The following SLC34A1 variants were observed in gnomAD, a reference collection of about 807,000 sequenced individuals.
SLC34A1 encodes sodium-dependent phosphate transport protein 2A.
A neutral mutation model predicts 51.4 loss-of-function variants in SLC34A1; 57 were observed. The observed-to-expected ratio is 1.11, with a 90% CI of 0.90 to 1.38. SLC34A1 has a LOEUF of 1.38. Ranked by LOEUF, SLC34A1 falls within the 40% of genes most tolerant of loss-of-function variation. SLC34A1 has a pLI of 0.00. For missense variants in SLC34A1, 796 were observed against 835.6 expected (o/e 0.95, Z 0.58); for synonymous variants, 368 against 358.0 (o/e 1.03, Z -0.32).
rs1762963882 is a variant in SLC34A1 at position 177,396,480 on chromosome 5, G to A, written c.1175-253G>A. The stretch of plus-strand genomic sequence containing the variant: ...AGGTCCGCTCTCCCAGTGCCCCCGC[G>A]GAGGTCCTCTCTCCCAGTGCCCCCG... On this transcript the variant is annotated intron_variant, in intron 10 of 12. Transcript: ENST00000324417. This position sits in a 1 kb window ranked among gnomAD's most constrained non-coding sequence, Gnocchi z 4.0. Among the ~76,000 whole-genome samples the A allele has an allele frequency of 2.3e-5, 3 of 132,322 alleles. No individual in the cohort carries two copies. The highest frequency in any genetic ancestry group is 7.4e-5 in the Admixed American group (1 of 13,528). 86.8% of individuals were successfully genotyped at this position (132,322 alleles called of 152,430 possible).
chr5:177,387,967 G>C, intron 6 of SLC34A1, 27 bp from the exon 7 acceptor site: 2 of 1,611,654 alleles, frequency 1.2e-6, no homozygotes, highest in Non-Finnish European at 1.7e-6. Flanking sequence ...GCTCGAGCCT[G>C]CCTTGCAATG....
At chr5:177,389,545 T>G (rs1762728165) in intron 8 of SLC34A1, 1 of 1,497,300 alleles carries the variant, frequency 6.7e-7, no homozygotes, top group East Asian at 2.5e-5. Flanking sequence ...TTACGCTGAC[T>G]TCATGACCTC....
intron 1 of SLC34A1, among the ~76,000 whole-genome samples, chr5:177,384,972 C>G (rs1016842262): frequency 3.3e-5 from 5 of 152,032 alleles, no homozygotes; most frequent in African/African-American, 1.2e-4. Context: ...TGAGGCAGAT[C>G]AGGGCACTCC....
rs9686799 is a variant in SLC34A1 at position 177,396,914 on chromosome 5, C to T, written c.1292-36C>T. On this transcript the variant is annotated intron_variant, in intron 11 of 12. Coordinates refer to ENST00000324417, the MANE Select transcript of SLC34A1 (RefSeq NM_003052.5). This position sits in a 1 kb window ranked among gnomAD's most constrained non-coding sequence, Gnocchi z 4.0. Reference sequence around the variant, plus strand: ...CTGGCAGGGAAAGGGCCGAAGGAGACGCTGGGGGTCCCACTTCCTCTCCCT... The same window carrying T: ...CTGGCAGGGAAAGGGCCGAAGGAGATGCTGGGGGTCCCACTTCCTCTCCCT... 1.1e-5 allele frequency: 17 copies of T among 1,614,008 alleles called. No individual in the cohort carries two copies. Among genetic ancestry groups the T allele is most frequent in the Middle Eastern group, 1.6e-4 (1 of 6,084 alleles).
intron 5 of SLC34A1, among the ~76,000 whole-genome samples, chr5:177,387,404 A>G (rs936747221): frequency 4.6e-5 from 7 of 152,100 alleles, no homozygotes; most frequent in Non-Finnish European, 1.0e-4. Flanking sequence ...CAAAACAAAC[A>G]AACAAAAAAA....
chr5:177,385,072 G>T (rs1430450133), intron 1 of SLC34A1, among the ~76,000 whole-genome samples: 1 of 152,182 alleles, frequency 6.6e-6, no homozygotes, highest in Non-Finnish European at 1.5e-5. Context: ...CCTTGAGGGG[G>T]TGGATGGGGA....
chr5:177,394,582 G>A (rs7715872), intron 10 of SLC34A1, among the ~76,000 whole-genome samples: 1 of 152,030 alleles, frequency 6.6e-6, no homozygotes, highest in African/African-American at 2.4e-5. Context: ...CATGAGATTG[G>A]CAAATGGCTC....
chr5:177,389,995 T>C (rs565140183), intron 8 of SLC34A1: 1 of 1,359,192 alleles, frequency 7.4e-7, no homozygotes, highest in South Asian at 1.7e-5. Flanking sequence ...TTTCATCCCC[T>C]TTCTGGGACA....
At chr5:177,390,635 A>AGG (rs1762769512) in intron 8 of SLC34A1, 1 of 152,426 alleles carries the variant, frequency 6.6e-6, no homozygotes, top group Non-Finnish European at 1.5e-5. Context: ...GACTCCAGAG[A>AGG]TAGCGGGTGT....
At position 177,397,400 on chromosome 5, in the gene SLC34A1, G is replaced by A; in HGVS notation, c.1416+326G>A. The A allele has an allele frequency of 8.2e-6, 4 of 488,140 alleles. No individual in the cohort carries two copies. The South Asian group carries it at 8.4e-5, about 10-fold the overall frequency. 30.2% of individuals were successfully genotyped at this position (488,140 alleles called of 1,614,324 possible). ...ATTGCGGGGGTCAAGGCCGCAAATG[G>A]CAAAGGGGAATTATTCTAGGAGCAA... On this transcript the variant is annotated intron_variant, in intron 12 of 12. Transcript: ENST00000324417.
At position 177,389,686 on chromosome 5, in the gene SLC34A1, G is replaced by A. The variant is rs558810155; in HGVS notation, c.936+1314G>A. ...TCACACACTTTGATCTTCGCAAAAA[G>A]CAAGCCATGGAAGACAGCTCTGTTC... is the stretch of plus-strand genomic sequence containing the variant. On this transcript the variant is annotated intron_variant, in intron 8 of 12. Coordinates refer to ENST00000324417, the MANE Select transcript of SLC34A1 (RefSeq NM_003052.5). 8.3e-5 allele frequency: 128 copies of A among 1,537,250 alleles called. No homozygotes were observed. In the African/African-American group the frequency reaches 1.1e-3, roughly 13 times the overall value.
At chr5:177,389,188 T>C (rs1270009110) in intron 8 of SLC34A1, among the ~76,000 whole-genome samples, 1 of 152,164 alleles carries the variant, frequency 6.6e-6, no homozygotes, top group East Asian at 1.9e-4. Context: ...AAGCAGGCAA[T>C]TAGCACACTT....
intron 12 of SLC34A1, chr5:177,397,387 A>T: frequency 4.1e-6 from 2 of 492,004 alleles, no homozygotes; most frequent in Non-Finnish European, 7.4e-6. Context: ...TGCGGGGGTC[A>T]AGGCCGCAAA....
chr5:177,388,446 C>A lies in SLC34A1; in HGVS notation c.936+74C>A. ...TTGGTTTCATTGTCTGTTCAAAATGCTCCAGATAGACCTTGAAGATCATTT... is the reference window on the plus strand; with the variant it reads ...TTGGTTTCATTGTCTGTTCAAAATGATCCAGATAGACCTTGAAGATCATTT... On this transcript the variant is annotated intron_variant, in intron 8 of 12. Coordinates refer to ENST00000324417, the MANE Select transcript of SLC34A1 (RefSeq NM_003052.5). The surrounding 1 kb of genome is among the most constrained non-coding windows in gnomAD (Gnocchi z 4.3). 1 of 1,270,894 alleles carries A rather than the reference C, an allele frequency of 7.9e-7. No individual in the cohort carries two copies. Among genetic ancestry groups the A allele is most frequent in the Non-Finnish European group, 1.1e-6 (1 of 873,508 alleles). 78.7% of individuals were successfully genotyped at this position (1,270,894 alleles called of 1,614,324 possible).
chr5:177,387,300 C>T (rs1762617688), intron 5 of SLC34A1, among the ~76,000 whole-genome samples: 1 of 152,082 alleles, frequency 6.6e-6, no homozygotes, highest in Non-Finnish European at 1.5e-5. Flanking sequence ...GAGGCTGAGG[C>T]AGGAGAATGG....
In SLC34A1 at chr5:177,397,156, G is replaced by A. The variant is rs1016644179; in HGVS notation, c.1416+82G>A. The stretch of plus-strand genomic sequence containing the variant: ...GGCCTCACAAAGGTGTGACAACATG[G>A]AACAAATATTTTGACTGCCTACTAA... On this transcript the variant is annotated intron_variant, in intron 12 of 12. Coordinates refer to ENST00000324417, the MANE Select transcript of SLC34A1 (RefSeq NM_003052.5). 2.6e-5 allele frequency: 40 copies of A among 1,545,736 alleles called. 1 individual carries two copies. Among genetic ancestry groups the A allele is most frequent in the Middle Eastern group, 4.6e-4 (2 of 4,378 alleles).
chr5:177,398,488 A>C lies in SLC34A1; in HGVS notation c.*202A>C, dbSNP rs6556319. 6,606 of 668,498 alleles carry C rather than the reference A, an allele frequency of 9.9e-3. 316 individuals carry two copies. In the African/African-American group the frequency reaches 0.1, roughly 10 times the overall value. 41.4% of individuals were successfully genotyped at this position (668,498 alleles called of 1,614,324 possible). ...GGGTGAGTCTGCATGTGCACCTGTCATGTGTAGAAGCTTGTATTTGTGTAC... is the reference window on the plus strand; with the variant it reads ...GGGTGAGTCTGCATGTGCACCTGTCCTGTGTAGAAGCTTGTATTTGTGTAC... On this transcript the variant is annotated 3_prime_UTR_variant, in exon 13 of 13. Coordinates refer to ENST00000324417, the MANE Select transcript of SLC34A1 (RefSeq NM_003052.5). This position sits in a 1 kb window ranked among gnomAD's most constrained non-coding sequence, Gnocchi z 4.7.
chr5:177,394,289 C>A, intron 10 of SLC34A1, 94 bp downstream of exon 10: 1 of 1,342,596 alleles, frequency 7.4e-7, no homozygotes, highest in Non-Finnish European at 1.1e-6. Flanking sequence ...GTAAACCCTA[C>A]CATCTCTGAG....
chr5:177,386,598 T>G lies in SLC34A1; in HGVS notation c.532+32T>G, dbSNP rs746134936. On this transcript the variant is annotated intron_variant, in intron 5 of 12. Transcript: ENST00000324417. This position sits in a 1 kb window ranked among gnomAD's most constrained non-coding sequence, Gnocchi z 4.8. ...TGGCCCACCAGGGTGGGGAAGAGCTTGGAGGGGCACCCCAGGAGCTGGGAA... is the reference window on the plus strand; with the variant it reads ...TGGCCCACCAGGGTGGGGAAGAGCTGGGAGGGGCACCCCAGGAGCTGGGAA... 1 of 1,612,630 alleles carries G rather than the reference T, an allele frequency of 6.2e-7. No individual in the cohort carries two copies. Among genetic ancestry groups the G allele is most frequent in the South Asian group, 1.1e-5 (1 of 91,064 alleles).
Sources: gnomAD v4.1 joint callset for allele counts (sites outside exome capture counted in the v4.1 genomes callset) on GRCh38, gnomAD v4.1.1 for gene constraint, Gnocchi (gnomAD v3.1) non-coding constraint, MANE v1.5 for transcripts, NCBI Gene and HGNC (gene_info 2026-07-23, HGNC 2026-07-21) for gene names.